The following CTNNA3 variants were observed in gnomAD, a reference collection of about 807,000 sequenced individuals.
The protein encoded by CTNNA3 is catenin alpha-3.
In CTNNA3, 76 loss-of-function variants were observed where a neutral mutation model predicts 95.7. The observed-to-expected ratio is 0.79, with a 90% CI of 0.66 to 0.96. The LOEUF is 0.96. Ranked by LOEUF, CTNNA3 falls within the 40% of genes least tolerant of loss-of-function variation. CTNNA3 has a pLI of 0.00. For missense variants in CTNNA3, 1,191 were observed against 1,089.8 expected, an observed-to-expected ratio of 1.09 and a Z score of -1.31; for synonymous variants, 431 against 374.4, an observed-to-expected ratio of 1.15 and a Z score of -1.74.
intron 7 of CTNNA3, among the ~76,000 whole-genome samples, chr10:67,148,839 T>A (rs1860958748): frequency 6.6e-6 from 1 of 152,226 alleles, no homozygotes; most frequent in South Asian, 2.1e-4. Context: ...AGGACTTCTA[T>A]CATAGCTGTA....
chr10:65,984,723 T>C (rs2078391206), intron 16 of CTNNA3, among the ~76,000 whole-genome samples: 2 of 151,406 alleles, frequency 1.3e-5, no homozygotes, highest in South Asian at 4.1e-4. Context: ...TTATGTCAAC[T>C]TTGAAAACTG....
intron 1 of CTNNA3, among the ~76,000 whole-genome samples, chr10:67,762,156 G>A (rs545545779): frequency 2.1e-5 from 3 of 144,770 alleles, no homozygotes; most frequent in African/African-American, 7.7e-5. Context: ...TTTTGATCTC[G>A]GCTCATTCTA....
At chr10:67,669,698 G>A (rs1037019623) in intron 1 of CTNNA3, among the ~76,000 whole-genome samples, 2 of 152,098 alleles carry the variant, frequency 1.3e-5, no homozygotes, top group African/African-American at 4.8e-5. Context: ...TTGTTATTTT[G>A]TGGAAAGATA....
intron 7 of CTNNA3, among the ~76,000 whole-genome samples, chr10:67,029,922 A>C (rs564770097): frequency 6.6e-6 from 1 of 152,346 alleles, no homozygotes; most frequent in South Asian, 2.1e-4. Context: ...GAACAGCCCC[A>C]TGGCTGGCCA....
At chr10:66,918,618 C>T (rs1846618374) in intron 7 of CTNNA3, among the ~76,000 whole-genome samples, 1 of 152,178 alleles carries the variant, frequency 6.6e-6, no homozygotes, top group South Asian at 2.1e-4. Context: ...TGGCATCCAA[C>T]ACATCAATGG....
rs1181764674 is a variant in CTNNA3 at position 66,611,131 on chromosome 10, G to A, written c.1374+10561C>T. 3.9e-5 allele frequency among the ~76,000 whole-genome samples: 6 copies of A among 152,128 alleles called. No homozygotes were observed. The South Asian group carries it at 8.3e-4, about 21-fold the overall frequency. ...GGTAGAATGGCGGTTACCAGAGGCCGGAAAGAGAATAAGGGGCAGTGAAGA... is the reference window on the plus strand; with the variant it reads ...GGTAGAATGGCGGTTACCAGAGGCCAGAAAGAGAATAAGGGGCAGTGAAGA... On this transcript the variant is annotated intron_variant, in intron 10 of 17. Coordinates refer to ENST00000433211, the MANE Select transcript of CTNNA3 (RefSeq NM_013266.4).
intron 13 of CTNNA3, among the ~76,000 whole-genome samples, chr10:66,122,564 A>G (rs2082628883): frequency 6.6e-6 from 1 of 152,324 alleles, no homozygotes; most frequent in South Asian, 2.1e-4. Context: ...AGAAAACCAA[A>G]GACATCTTGA....
At chr10:67,712,344 G>A (rs1471351979) in intron 1 of CTNNA3, among the ~76,000 whole-genome samples, 1 of 152,198 alleles carries the variant, frequency 6.6e-6, no homozygotes, top group African/African-American at 2.4e-5. Context: ...CATAAATAAT[G>A]AGGAGCCAAG....
chr10:66,533,353 G>A (rs1446316970), intron 10 of CTNNA3, among the ~76,000 whole-genome samples: 1 of 152,066 alleles, frequency 6.6e-6, no homozygotes, highest in Non-Finnish European at 1.5e-5. Context: ...CAGTTTCCTA[G>A]ATTGTCACGG....
At chr10:67,105,235 T>C (rs201933729) in intron 7 of CTNNA3, among the ~76,000 whole-genome samples, 3 of 150,518 alleles carry the variant, frequency 2.0e-5, no homozygotes, top group African/African-American at 7.4e-5. Flanking sequence ...ACATATTAAA[T>C]GATAGATAGA....
At chr10:67,624,538 CA>C (rs1363894533) in intron 2 of CTNNA3, among the ~76,000 whole-genome samples, 2 of 152,206 alleles carry the variant, frequency 1.3e-5, no homozygotes, top group African/African-American at 2.4e-5. Flanking sequence ...GTGTTATGCA[CA>C]TTGAAATAAA....
At chr10:66,413,385 A>G (rs2093123389) in intron 11 of CTNNA3, among the ~76,000 whole-genome samples, 1 of 152,172 alleles carries the variant, frequency 6.6e-6, no homozygotes, top group South Asian at 2.1e-4. Context: ...AGAAGGTTAC[A>G]TAGTTAATTT....
chr10:66,515,928 C>T (rs1334756088), intron 11 of CTNNA3, among the ~76,000 whole-genome samples: 2 of 152,070 alleles, frequency 1.3e-5, no homozygotes, highest in African/African-American at 4.8e-5. Context: ...CCATATCAAT[C>T]ATTCTTCACA....
intron 1 of CTNNA3, chr10:67,751,324 C>A: frequency 1.3e-6 from 1 of 783,540 alleles, no homozygotes; most frequent in South Asian, 1.4e-5. Context: ...CCAAGCTTAT[C>A]TGAGATCACA....
intron 12 of CTNNA3, among the ~76,000 whole-genome samples, chr10:66,302,695 G>C (rs1307158226): frequency 6.6e-6 from 1 of 151,852 alleles, no homozygotes; most frequent in Non-Finnish European, 1.5e-5. Flanking sequence ...AAGGTATGTG[G>C]GCACTTTACT....
rs74843477 is a variant in CTNNA3 at position 66,366,241 on chromosome 10, C to G, written c.1732+12911G>C. On this transcript the variant is annotated intron_variant, in intron 12 of 17. Coordinates refer to ENST00000433211, the MANE Select transcript of CTNNA3 (RefSeq NM_013266.4). ...AGTCAGTACTCATGAGAAACGTTTG[C>G]CCATTAACTAATGAGATATAATATG... Among the ~76,000 whole-genome samples the G allele has an allele frequency of 2.7e-3, 417 of 152,134 alleles. 2 individuals are homozygous for G. Among genetic ancestry groups the G allele is most frequent in the African/African-American group, 9.8e-3 (407 of 41,518 alleles).
intron 9 of CTNNA3, among the ~76,000 whole-genome samples, chr10:66,712,755 C>T (rs1252261278): frequency 6.6e-6 from 1 of 152,122 alleles, no homozygotes; most frequent in Non-Finnish European, 1.5e-5. Context: ...CTTTTTCATG[C>T]TGAATGATTT....
At chr10:67,352,931 G>A (rs1183269519) in intron 5 of CTNNA3, among the ~76,000 whole-genome samples, 4 of 151,838 alleles carry the variant, frequency 2.6e-5, no homozygotes, top group Admixed American at 2.0e-4. Flanking sequence ...TTCCAGGTAT[G>A]TACACAATGG....
At chr10:66,732,496 C>T (rs1024870853) in intron 9 of CTNNA3, among the ~76,000 whole-genome samples, 9 of 152,228 alleles carry the variant, frequency 5.9e-5, no homozygotes, top group African/African-American at 2.2e-4. Context: ...TTCAGCATGG[C>T]TGAGGAGGCC....
Sources: gnomAD v4.1 joint callset for allele counts (sites outside exome capture counted in the v4.1 genomes callset) on GRCh38, gnomAD v4.1.1 for gene constraint, MANE v1.5 for transcripts, NCBI Gene and HGNC (gene_info 2026-07-23, HGNC 2026-07-21) for gene names.